RAB11FIP5: variants seen among roughly 807,000 people sequenced by gnomAD.
RAB11FIP5 encodes the protein rab11 family-interacting protein 5.
A neutral mutation model predicts 85.1 loss-of-function variants in RAB11FIP5; 48 were observed. The observed-to-expected ratio is 0.56, with a 90% CI of 0.45 to 0.72. The LOEUF is 0.72. RAB11FIP5 is among the 30% of genes least tolerant of loss of function. The pLI is 0.00. For synonymous variants in RAB11FIP5, 729 were observed against 727.3 expected (o/e 1.00, Z -0.04); for missense variants, 1,491 against 1,687.0 (o/e 0.88, Z 2.04).
Position 73,079,848 on chromosome 2 carries a change from C to T in RAB11FIP5, c.3384G>A (p.Leu1128=). 1 of 1,232,304 alleles carries T rather than the reference C, an allele frequency of 8.1e-7. No individual in the cohort carries two copies. Among genetic ancestry groups the T allele is most frequent in the Middle Eastern group, 3.1e-4 (1 of 3,208 alleles). The allele number at this position is 1,232,304 out of a possible 1,614,324, so 76.3% of individuals were successfully genotyped here. The part of the protein sequence containing the change: ...RGGPSPPCSP[L]SEAWPLTTSS... Reference sequence around the variant, plus strand: ...AGGTAGTCAGGGGCCAGGCTTCAGACAGGGGAGAGCATGGAGGGCTGGGCC... The same window carrying T: ...AGGTAGTCAGGGGCCAGGCTTCAGATAGGGGAGAGCATGGAGGGCTGGGCC... The change falls in exon 4 of 6, where the codon CTG becomes CTA. Residue 1128 remains leucine (L), a synonymous_variant. Transcript: ENST00000486777.
chr2:73,093,564 G>A (rs1290613862), intron 1 of RAB11FIP5, among the ~76,000 whole-genome samples: 1 of 152,194 alleles, frequency 6.6e-6, no homozygotes, highest in Non-Finnish European at 1.5e-5. Context: ...ATCTGGATGC[G>A]CCTGACAGCA....
At position 73,074,258 on chromosome 2, in the gene RAB11FIP5, G is replaced by A. The variant is rs1027751663; in HGVS notation, c.*1263C>T. On this transcript the variant is annotated 3_prime_UTR_variant, in exon 6 of 6. Transcript: ENST00000486777. Reference sequence around the variant, plus strand: ...TATAGGTGTCTCCCAAAGGCATAGTGGGACCTCCCTCTTCCAGGCAAGCTG... The same window carrying A: ...TATAGGTGTCTCCCAAAGGCATAGTAGGACCTCCCTCTTCCAGGCAAGCTG... 1.3e-5 allele frequency: 2 copies of A among 152,260 alleles called. No individual in the cohort carries two copies. Among genetic ancestry groups the A allele is most frequent in the Non-Finnish European group, 2.9e-5 (2 of 68,080 alleles). 9.4% of individuals were successfully genotyped at this position (152,260 alleles called of 1,614,324 possible). A position where few individuals can be genotyped will look rare whatever the true frequency, so the allele number is the denominator to read the frequency against.
chr2:73,090,751 G>T (rs570372238), intron 1 of RAB11FIP5, among the ~76,000 whole-genome samples: 2 of 152,254 alleles, frequency 1.3e-5, no homozygotes, highest in Non-Finnish European at 2.9e-5. Flanking sequence ...AGAGGACAGA[G>T]CGATGAATAG....
In RAB11FIP5 at chr2:73,081,092, C is replaced by CTCT. The variant is rs1683968489; in HGVS notation, c.2137_2139dup (p.Arg713dup). The CTCT allele has an allele frequency of 4.9e-6, 6 of 1,215,898 alleles. No homozygotes were observed. The highest frequency in any genetic ancestry group is 6.1e-6 in the Non-Finnish European group (6 of 987,246). The allele number at this position is 1,215,898 out of a possible 1,614,324, so 75.3% of individuals were successfully genotyped here. A position where few individuals can be genotyped will look rare whatever the true frequency, so the allele number is the denominator to read the frequency against. On this transcript the variant is annotated inframe_insertion, in exon 4 of 6. Transcript: ENST00000486777. The surrounding 1 kb of genome is among the most constrained non-coding windows in gnomAD (Gnocchi z 4.2). ...GGCTCCAGCCACACGCTGCTCCCAC[C>CTCT]TCTTCCTCCTCCTCCTCCTCCTCCT...
intron 1 of RAB11FIP5, among the ~76,000 whole-genome samples, chr2:73,097,421 T>A (rs1684343662): frequency 6.6e-6 from 1 of 152,220 alleles, no homozygotes; most frequent in Admixed American, 6.5e-5. Flanking sequence ...CACATCAACA[T>A]GACAAAATGC....
Position 73,088,715 on chromosome 2 carries a change from G to A in RAB11FIP5, c.903C>T (p.Thr301=), listed in dbSNP as rs1684145426. 1 of 1,609,978 alleles carries A rather than the reference G, an allele frequency of 6.2e-7. No individual in the cohort carries two copies. The highest frequency in any genetic ancestry group is 1.1e-5 in the South Asian group (1 of 90,700). ...CCTCATCGCTGTAGGTCCTCTTATG[G>A]GTGAACAGCTTGGGGGACTGTGCAG... ...RDSAQSPKLF[T]HKRTYSDEAN... is the part of the protein sequence containing the mutation. The change falls in exon 3 of 6, where the codon ACC becomes ACT. Residue 301 remains threonine (T), a synonymous_variant. Coordinates refer to ENST00000486777, the MANE Select transcript of RAB11FIP5 (RefSeq NM_001371272.1).
rs1443956262 is a variant in RAB11FIP5 at position 73,080,018 on chromosome 2, G to A, written c.3214C>T (p.Arg1072Ter). Residue 1072 changes from arginine to a stop codon, truncating the protein, a stop_gained, in exon 4 of 6, where the codon CGA becomes TGA. Coordinates refer to ENST00000486777, the MANE Select transcript of RAB11FIP5 (RefSeq NM_001371272.1). LOFTEE classifies it high-confidence loss of function. ...ALNPFLFQGS[R>*]DPPSLSSASP... ...GCAGATGAGAGGCTGGGAGGATCTCGGCTCCCCTGAAACAAGAAGGGGTTC... is the reference window on the plus strand; with the variant it reads ...GCAGATGAGAGGCTGGGAGGATCTCAGCTCCCCTGAAACAAGAAGGGGTTC... The A allele has an allele frequency of 7.3e-6, 9 of 1,232,070 alleles. No individual in the cohort carries two copies. Among genetic ancestry groups the A allele is most frequent in the Non-Finnish European group, 9.1e-6 (9 of 988,060 alleles). 76.3% of individuals were successfully genotyped at this position (1,232,070 alleles called of 1,614,324 possible).
rs1340426583 is a variant in RAB11FIP5 at position 73,089,595 on chromosome 2, C to T, written c.432-280G>A. 2.2e-5 allele frequency: 11 copies of T among 503,756 alleles called. No individual in the cohort carries two copies. The East Asian group carries it at 4.2e-4, about 19-fold the overall frequency. The allele number at this position is 503,756 out of a possible 1,614,324, so 31.2% of individuals were successfully genotyped here. The stretch of plus-strand genomic sequence containing the variant: ...GCGGTTACCACACCATGCCTCCTCC[C>T]ACCCCAGGACCTTCTCCTGGTGCTC... On this transcript the variant is annotated intron_variant, in intron 1 of 5. Transcript: ENST00000486777. This position sits in a 1 kb window ranked among gnomAD's most constrained non-coding sequence, Gnocchi z 4.6.
chr2:73,088,338 C>T lies in RAB11FIP5; in HGVS notation c.1280G>A (p.Arg427Gln), dbSNP rs561703908. ...CTGGACTGGCTTGCCCTCTGGTAGC[C>T]GGGCCCCCTCCTCCTCTCCAGGGTG... ...ASHPGEEEGA[R>Q]LPEGKPVQVA... The change falls in exon 3 of 6, where the codon CGG (arginine) becomes CAG (glutamine). Residue 427 changes from arginine to glutamine, a missense_variant. By Grantham distance (43) the Arg-to-Gln change is conservative (BLOSUM62 1). Coordinates refer to ENST00000486777, the MANE Select transcript of RAB11FIP5 (RefSeq NM_001371272.1). The T allele has an allele frequency of 7.4e-6, 12 of 1,613,590 alleles. No individual in the cohort carries two copies. The highest frequency in any genetic ancestry group is 1.3e-5 in the African/African-American group (1 of 74,916).
chr2:73,089,480 A>G lies in RAB11FIP5; in HGVS notation c.432-165T>C, dbSNP rs780677171. On this transcript the variant is annotated intron_variant, in intron 1 of 5. Coordinates refer to ENST00000486777, the MANE Select transcript of RAB11FIP5 (RefSeq NM_001371272.1). This position sits in a 1 kb window ranked among gnomAD's most constrained non-coding sequence, Gnocchi z 4.6. ...ATCGGCCTGGGCTTCCAGGCTTCAG[A>G]TGCAGCTGAGAAACTATCCAAAACA... 1.3e-6 allele frequency: 1 copy of G among 762,966 alleles called. No individual in the cohort carries two copies. The allele number at this position is 762,966 out of a possible 1,614,324, so 47.3% of individuals were successfully genotyped here. A position where few individuals can be genotyped will look rare whatever the true frequency, so the allele number is the denominator to read the frequency against.
chr2:73,108,332 G>A (rs1300392715), intron 1 of RAB11FIP5, among the ~76,000 whole-genome samples: 1 of 152,160 alleles, frequency 6.6e-6, no homozygotes, highest in African/African-American at 2.4e-5. Context: ...CCAGGATGAC[G>A]ATCCTGTCTG....
chr2:73,111,541 G>A (rs1684655172), intron 1 of RAB11FIP5, among the ~76,000 whole-genome samples: 1 of 152,180 alleles, frequency 6.6e-6, no homozygotes, highest in African/African-American at 2.4e-5. Flanking sequence ...CTTAACACAG[G>A]CAAGGTTAAA....
At chr2:73,109,724 G>C (rs898148517) in intron 1 of RAB11FIP5, among the ~76,000 whole-genome samples, 2 of 152,174 alleles carry the variant, frequency 1.3e-5, no homozygotes, top group African/African-American at 4.8e-5. Context: ...AGCTGCAAAG[G>C]GCCAGCTCAT....
intron 1 of RAB11FIP5, among the ~76,000 whole-genome samples, chr2:73,091,286 GCA>G (rs1684204253): frequency 6.6e-6 from 1 of 152,176 alleles, no homozygotes; most frequent in Admixed American, 6.5e-5. Flanking sequence ...GCAACACTGG[GCA>G]CCACATGAAG....
At chr2:73,091,000 ACT>A (rs1020682734) in intron 1 of RAB11FIP5, among the ~76,000 whole-genome samples, 23 of 152,156 alleles carry the variant, frequency 1.5e-4, no homozygotes, top group African/African-American at 5.6e-4. Flanking sequence ...GTAGATGGGA[ACT>A]CTCTATACTT....
rs1683970272 is a variant in RAB11FIP5, at chr2:73,081,129, C to A, written c.2103G>T (p.Gly701=). The A allele has an allele frequency of 2.4e-6, 3 of 1,233,170 alleles. No individual in the cohort carries two copies. In the South Asian group the frequency reaches 1.2e-4, roughly 51 times the overall value. 76.4% of individuals were successfully genotyped at this position (1,233,170 alleles called of 1,614,324 possible). The change falls in exon 4 of 6, where the codon GGG becomes GGT. Residue 701 remains glycine, a synonymous_variant. Transcript: ENST00000486777. The surrounding 1 kb of genome is among the most constrained non-coding windows in gnomAD (Gnocchi z 4.2). The part of the protein sequence containing the change: ...AKAAEPQGEP[G]GGGGGGGGGG... ...CTCCTCCTCCTCCTCCTCCTCCTCC[C>A]CCAGGCTCTCCCTGGGGCTCAGCTG...
rs1382187462 is a variant in RAB11FIP5 at position 73,089,483 on chromosome 2, CA to C, written c.432-169del. ...GGCCTGGGCTTCCAGGCTTCAGATGCAGCTGAGAAACTATCCAAAACATTTC... is the reference window on the plus strand; with the variant it reads ...GGCCTGGGCTTCCAGGCTTCAGATGCGCTGAGAAACTATCCAAAACATTTC... On this transcript the variant is annotated intron_variant, in intron 1 of 5. Transcript: ENST00000486777. The surrounding 1 kb of genome is among the most constrained non-coding windows in gnomAD (Gnocchi z 4.6). 1 of 754,366 alleles carries C rather than the reference CA, an allele frequency of 1.3e-6. No homozygotes were observed. Among genetic ancestry groups the C allele is most frequent in the South Asian group, 1.4e-5 (1 of 70,414 alleles). 46.7% of individuals were successfully genotyped at this position (754,366 alleles called of 1,614,324 possible). A position where few individuals can be genotyped will look rare whatever the true frequency, so the allele number is the denominator to read the frequency against.
rs116164696 is a variant in RAB11FIP5 at position 73,083,312 on chromosome 2, C to T, written c.1569-1649G>A. On this transcript the variant is annotated intron_variant, in intron 3 of 5. Transcript: ENST00000486777. ...TCAGCTCGGCAGCTACCACCAGGGG[C>T]GGACCACAGGAAGGAGTCCAACTAA... 3.0e-3 allele frequency among the ~76,000 whole-genome samples: 450 copies of T among 152,258 alleles called. 1 individual carries two copies. Among genetic ancestry groups the T allele is most frequent in the African/African-American group, 0.01 (424 of 41,532 alleles).
At position 73,112,748 on chromosome 2, in the gene RAB11FIP5, C is replaced by A; in HGVS notation, c.30G>T (p.Ala10=). MALVRGAEP[A]AGPSRWLPTH... is the part of the protein sequence containing the mutation. ...TGGGCAGCCAGCGGGAAGGCCCCGC[C>A]GCCGGCTCCGCGCCCCGCACCAGGG... Residue 10 remains alanine (A), a synonymous_variant, in exon 1 of 6, where the codon GCG becomes GCT. Transcript: ENST00000486777. 1 of 1,477,282 alleles carries A rather than the reference C, an allele frequency of 6.8e-7. No homozygotes were observed. The highest frequency in any genetic ancestry group is 8.9e-7 in the Non-Finnish European group (1 of 1,118,130). 91.5% of individuals were successfully genotyped at this position (1,477,282 alleles called of 1,614,324 possible).
Sources: allele counts gnomAD v4.1 joint callset (sites outside exome capture counted in the v4.1 genomes callset), GRCh38; gene constraint gnomAD v4.1.1; non-coding constraint Gnocchi (gnomAD v3.1); transcripts MANE v1.5; gene names NCBI Gene and HGNC (gene_info 2026-07-23, HGNC 2026-07-21).